Variants in GLIPR1L2 observed in about 807,000 individuals in gnomAD.
The protein encoded by GLIPR1L2 is GLIPR1 like 2.
A neutral mutation model predicts 28.4 loss-of-function variants in GLIPR1L2; 21 were observed. That is an observed-to-expected ratio of 0.74 (90% CI 0.52 to 1.06). The LOEUF is 1.06. Among genes scored for constraint, GLIPR1L2 ranks in the 50% least tolerant of loss-of-function variants. GLIPR1L2 has a pLI of 0.00. For missense variants in GLIPR1L2, 476 were observed against 416.9 expected, an observed-to-expected ratio of 1.14 and a Z score of -1.23; for synonymous variants, 145 against 139.3, an observed-to-expected ratio of 1.04 and a Z score of -0.29.
At chr12:75,400,427 G>A (rs190084303) in intron 1 of GLIPR1L2, among the ~76,000 whole-genome samples, 170 of 152,112 alleles carry the variant, frequency 1.1e-3, no homozygotes, top group Non-Finnish European at 1.6e-3. Context: ...CGGCCTGAAC[G>A]TTCTTTATAC....
intron 4 of GLIPR1L2, among the ~76,000 whole-genome samples, chr12:75,430,122 C>A (rs942340210): frequency 2.0e-5 from 3 of 151,820 alleles, no homozygotes; most frequent in Admixed American, 2.0e-4. Context: ...TCAGGTAGTT[C>A]TTTATAGCAG....
chr12:75,409,875 G>T (rs1332847582), intron 1 of GLIPR1L2, among the ~76,000 whole-genome samples: 1 of 147,784 alleles, frequency 6.8e-6, no homozygotes, highest in Non-Finnish European at 1.5e-5. Context: ...CGATATATAT[G>T]ATGTTTATCT....
At chr12:75,415,857 T>C (rs957590425) in intron 3 of GLIPR1L2, among the ~76,000 whole-genome samples, 1 of 152,144 alleles carries the variant, frequency 6.6e-6, no homozygotes, top group Non-Finnish European at 1.5e-5. Flanking sequence ...AAGAAAACTC[T>C]CTGCTTTTAA....
chr12:75,412,650 A>G (rs1386634027), intron 2 of GLIPR1L2, among the ~76,000 whole-genome samples: 3 of 152,140 alleles, frequency 2.0e-5, no homozygotes, highest in Non-Finnish European at 4.4e-5. Flanking sequence ...ATGAGATACC[A>G]TCTCACACCA....
At chr12:75,427,723 CA>C (rs774294208) in intron 4 of GLIPR1L2, among the ~76,000 whole-genome samples, 1 of 152,244 alleles carries the variant, frequency 6.6e-6, no homozygotes, top group Non-Finnish European at 1.5e-5. Flanking sequence ...GTAATTAGAT[CA>C]GGGGGGCAGT....
chr12:75,429,934 C>CTTTT (rs113964308), intron 4 of GLIPR1L2, among the ~76,000 whole-genome samples: 1 of 128,580 alleles, frequency 7.8e-6, no homozygotes, highest in African/African-American at 2.9e-5. Context: ...CTTTTCTTTT[C>CTTTT]TTTCTTTTTT....
At chr12:75,404,204 C>A (rs1256622470) in intron 1 of GLIPR1L2, among the ~76,000 whole-genome samples, 1 of 152,014 alleles carries the variant, frequency 6.6e-6, no homozygotes, top group Non-Finnish European at 1.5e-5. Flanking sequence ...ATATATGTCT[C>A]TCTCTGTGTG....
At chr12:75,425,882 A>C (rs2139965184) in intron 4 of GLIPR1L2, among the ~76,000 whole-genome samples, 1 of 152,274 alleles carries the variant, frequency 6.6e-6, no homozygotes, top group South Asian at 2.1e-4. Flanking sequence ...GTAAGCATGA[A>C]TCTTATGGTG....
chr12:75,391,522 TC>T lies in GLIPR1L2; in HGVS notation c.234+173del, dbSNP rs1267829453. The T allele has an allele frequency of 2.0e-6, 3 of 1,532,522 alleles. No individual in the cohort carries two copies. In the Admixed American group the frequency reaches 5.9e-5, roughly 30 times the overall value. The allele number at this position is 1,532,522 out of a possible 1,614,324, so 94.9% of individuals were successfully genotyped here. A position where few individuals can be genotyped will look rare whatever the true frequency, so the allele number is the denominator to read the frequency against. ...TTACACAGAGAAAAACTGCGGACAC[TC>T]TAACACATGCTTATTACCATGATAT... On this transcript the variant is annotated intron_variant, in intron 1 of 5. Coordinates refer to ENST00000550916, the MANE Select transcript of GLIPR1L2 (RefSeq NM_001270396.2).
intron 1 of GLIPR1L2, among the ~76,000 whole-genome samples, chr12:75,399,818 G>T (rs917686776): frequency 1.3e-5 from 2 of 152,218 alleles, no homozygotes; most frequent in Non-Finnish European, 2.9e-5. Context: ...TACTACTGGT[G>T]TGAAAGCAAA....
intron 3 of GLIPR1L2, among the ~76,000 whole-genome samples, chr12:75,422,147 C>A (rs2045982892): frequency 6.6e-6 from 1 of 151,408 alleles, no homozygotes; most frequent in Non-Finnish European, 1.5e-5. Flanking sequence ...CGCACCATGC[C>A]CGGCTAATTA....
chr12:75,430,745 T>A lies in GLIPR1L2; in HGVS notation c.697+4T>A, dbSNP rs2046083208. On this transcript the variant is annotated splice_donor_region_variant and intron_variant, in intron 5 of 5. Coordinates refer to ENST00000550916, the MANE Select transcript of GLIPR1L2 (RefSeq NM_001270396.2). ...GCAGATCGTGACCAAGCCACATGTATGTATTGTTGTCCTTTATTTCTTGAA... is the reference window on the plus strand; with the variant it reads ...GCAGATCGTGACCAAGCCACATGTAAGTATTGTTGTCCTTTATTTCTTGAA... 6.5e-7 allele frequency: 1 copy of A among 1,534,732 alleles called. No individual in the cohort carries two copies. The highest frequency in any genetic ancestry group is 8.7e-7 in the Non-Finnish European group (1 of 1,146,466).
At chr12:75,428,789 GGGGCC>G (rs1301354777) in intron 4 of GLIPR1L2, among the ~76,000 whole-genome samples, 3 of 152,224 alleles carry the variant, frequency 2.0e-5, no homozygotes, top group Non-Finnish European at 4.4e-5. Flanking sequence ...GTGGCTCAAA[GGGGCC>G]AAGGTACAGC....
intron 4 of GLIPR1L2, among the ~76,000 whole-genome samples, chr12:75,425,945 T>A (rs562408807): frequency 6.6e-6 from 1 of 152,260 alleles, no homozygotes; most frequent in Non-Finnish European, 1.5e-5. Context: ...AACATATATA[T>A]AAATGTGTAT....
At chr12:75,391,627 A>T in intron 1 of GLIPR1L2, 1 of 920,296 alleles carries the variant, frequency 1.1e-6, no homozygotes, top group Non-Finnish European at 1.6e-6. Context: ...CAAGAAAATG[A>T]TATTTTAATG....
At position 75,432,513 on chromosome 12, in the gene GLIPR1L2, T is replaced by C; in HGVS notation, c.*1352T>C. 6.9e-6 allele frequency: 1 copy of C among 143,896 alleles called. No homozygotes were observed. The highest frequency in any genetic ancestry group is 2.3e-4 in the South Asian group (1 of 4,430). The allele number at this position is 143,896 out of a possible 1,614,324, so 8.9% of individuals were successfully genotyped here. A position where few individuals can be genotyped will look rare whatever the true frequency, so the allele number is the denominator to read the frequency against. The stretch of plus-strand genomic sequence containing the variant: ...TAAAGCTATATTTCTCAATGTGTGG[T>C]TCCACTGAGGGAAAGAAAAAAAAAA... On this transcript the variant is annotated 3_prime_UTR_variant, in exon 6 of 6. Transcript: ENST00000550916.
intron 1 of GLIPR1L2, among the ~76,000 whole-genome samples, chr12:75,408,642 A>G (rs887937255): frequency 6.6e-6 from 1 of 152,056 alleles, no homozygotes; most frequent in African/African-American, 2.4e-5. Context: ...AAATGGTTAC[A>G]TTTATTATAG....
intron 1 of GLIPR1L2, among the ~76,000 whole-genome samples, chr12:75,406,617 G>A (rs2045802992): frequency 6.6e-6 from 1 of 151,906 alleles, no homozygotes; most frequent in Admixed American, 6.6e-5. Context: ...AATTAGCTGG[G>A]TGCGGTGGTG....
chr12:75,393,100 C>A (rs900179141), intron 1 of GLIPR1L2, among the ~76,000 whole-genome samples: 2 of 151,882 alleles, frequency 1.3e-5, no homozygotes, highest in Non-Finnish European at 2.9e-5. Flanking sequence ...TAAACTCCAC[C>A]CAAATATTAA....
Sources: gnomAD v4.1 joint callset for allele counts (sites outside exome capture counted in the v4.1 genomes callset) on GRCh38, gnomAD v4.1.1 for gene constraint, MANE v1.5 for transcripts, NCBI Gene and HGNC (gene_info 2026-07-23, HGNC 2026-07-21) for gene names.